The following NTM variants were observed in gnomAD, a reference collection of about 807,000 sequenced individuals.
NTM encodes the protein neurotrimin, also known as IgLON family member 2.
NTM carries 13 observed loss-of-function variants against 42.1 expected under a neutral mutation model. The observed-to-expected ratio is 0.31, with a 90% CI of 0.20 to 0.49. The LOEUF is 0.49. Among genes scored for constraint, NTM ranks in the 20% least tolerant of loss-of-function variants. NTM has a pLI of 0.99. For missense variants in NTM, 373 were observed against 452.8 expected, an observed-to-expected ratio of 0.82 and a Z score of 1.60; for synonymous variants, 187 against 179.2, an observed-to-expected ratio of 1.04 and a Z score of -0.35.
At chr11:131,711,710 A>G (rs1223183227) in intron 1 of NTM, among the ~76,000 whole-genome samples, 2 of 152,028 alleles carry the variant, frequency 1.3e-5, no homozygotes, top group African/African-American at 2.4e-5. Flanking sequence ...TATTCACAAT[A>G]GCAAAGACTT....
rs115412467 is a variant in NTM at position 131,674,173 on chromosome 11, G to T, written c.83-237391G>T. ...GTGGCCATGAGAAGTAGTGCCACAC[G>T]CACACGTTCTCTTTCCCAGAGAAGC... On this transcript the variant is annotated intron_variant, in intron 1 of 8. Coordinates refer to ENST00000683400, the MANE Select transcript of NTM (RefSeq NM_001352005.2). Among the ~76,000 whole-genome samples, 505 of 152,368 alleles carry T rather than the reference G, an allele frequency of 3.3e-3. 5 individuals carry two copies. Among genetic ancestry groups the T allele is most frequent in the African/African-American group, 0.011 (476 of 41,584 alleles).
chr11:131,530,375 A>G (rs1414840792), intron 1 of NTM, among the ~76,000 whole-genome samples: 2 of 151,916 alleles, frequency 1.3e-5, no homozygotes, highest in African/African-American at 4.8e-5. Flanking sequence ...CAAAAAGAAA[A>G]AAGAATGAAT....
At chr11:131,556,563 A>ATT (rs34911090) in intron 1 of NTM, among the ~76,000 whole-genome samples, 8 of 98,398 alleles carry the variant, frequency 8.1e-5, no homozygotes, top group African/African-American at 1.8e-4. Context: ...ACACATAGGA[A>ATT]TTTTTTTTTT....
chr11:131,396,217 C>T (rs906968873), intron 1 of NTM, among the ~76,000 whole-genome samples: 3 of 152,214 alleles, frequency 2.0e-5, no homozygotes, highest in African/African-American at 7.2e-5. Flanking sequence ...ATTCAACCTC[C>T]TTCCTCACCT....
chr11:131,406,685 A>C (rs1945843748), intron 1 of NTM, among the ~76,000 whole-genome samples: 1 of 152,236 alleles, frequency 6.6e-6, no homozygotes, highest in South Asian at 2.1e-4. Context: ...TAATAAAAGT[A>C]ATATACATGT....
At chr11:131,732,727 G>A (rs1001356671) in intron 1 of NTM, among the ~76,000 whole-genome samples, 2 of 152,152 alleles carry the variant, frequency 1.3e-5, no homozygotes, top group East Asian at 3.9e-4. Context: ...TGTATTCCTA[G>A]AGGGTACTGG....
intron 2 of NTM, among the ~76,000 whole-genome samples, chr11:132,142,251 A>G (rs1302455288): frequency 1.3e-5 from 2 of 152,162 alleles, no homozygotes; most frequent in African/African-American, 4.8e-5. Flanking sequence ...ATGAGCGGCC[A>G]TCTCCAGTTC....
At chr11:131,459,354 A>G (rs1471802153) in intron 1 of NTM, among the ~76,000 whole-genome samples, 1 of 152,264 alleles carries the variant, frequency 6.6e-6, no homozygotes, top group Non-Finnish European at 1.5e-5. Context: ...AGATGTGTTC[A>G]TTGCACATCA....
chr11:131,703,094 C>G (rs1459128938), intron 1 of NTM, among the ~76,000 whole-genome samples: 1 of 152,112 alleles, frequency 6.6e-6, no homozygotes, highest in African/African-American at 2.4e-5. Flanking sequence ...AAAAGCAAAG[C>G]CATTAACATT....
chr11:132,325,042 C>T (rs1467480949), intron 7 of NTM, among the ~76,000 whole-genome samples: 294 of 151,528 alleles, frequency 1.9e-3, no homozygotes, highest in African/African-American at 6.6e-3. Context: ...AAGACTTAAA[C>T]GTTAGACCTA....
intron 1 of NTM, among the ~76,000 whole-genome samples, chr11:131,640,947 C>T (rs970692874): frequency 6.6e-6 from 1 of 152,170 alleles, no homozygotes; most frequent in African/African-American, 2.4e-5. Flanking sequence ...ACAGGAATAT[C>T]AGCACTCTAT....
intron 1 of NTM, among the ~76,000 whole-genome samples, chr11:131,761,407 T>C (rs1225531769): frequency 6.6e-6 from 1 of 152,146 alleles, no homozygotes; most frequent in Non-Finnish European, 1.5e-5. Flanking sequence ...GGCCTAACTT[T>C]TAGCATCTGA....
intron 1 of NTM, among the ~76,000 whole-genome samples, chr11:131,424,732 T>TC (rs1947932476): frequency 6.9e-6 from 1 of 144,422 alleles, no homozygotes; most frequent in African/African-American, 2.6e-5. Context: ...GCTAATTTTT[T>TC]TTTTTTTTTT....
In NTM at chr11:131,500,571, ATATATATTTTT is replaced by A. The variant is rs1336449832; in HGVS notation, c.82+129685_82+129695del. On this transcript the variant is annotated intron_variant, in intron 1 of 8. Coordinates refer to ENST00000683400, the MANE Select transcript of NTM (RefSeq NM_001352005.2). ...TATATATATATATATATATATATATATATATATTTTTTTTTTTTTTTTTTGTATTATACTTT... is the reference window on the plus strand; with the variant it reads ...TATATATATATATATATATATATATATTTTTTTTTTTTTGTATTATACTTT... 8.9e-3 allele frequency among the ~76,000 whole-genome samples: 763 copies of A among 85,310 alleles called. 17 individuals are homozygous for A. The highest frequency in any genetic ancestry group is 0.027 in the African/African-American group (674 of 24,594). 56.0% of individuals were successfully genotyped at this position (85,310 alleles called of 152,430 possible).
At chr11:132,063,442 T>G (rs940669466) in intron 2 of NTM, among the ~76,000 whole-genome samples, 4 of 152,108 alleles carry the variant, frequency 2.6e-5, no homozygotes, top group African/African-American at 9.7e-5. Flanking sequence ...CTGGTGTGAC[T>G]TCTCCGTCTA....
intron 1 of NTM, among the ~76,000 whole-genome samples, chr11:131,818,903 A>G (rs1379579366): frequency 1.3e-5 from 2 of 152,208 alleles, no homozygotes; most frequent in Non-Finnish European, 1.5e-5. Flanking sequence ...AGTACCATTT[A>G]TGCTGGTTGT....
At chr11:131,649,782 G>A (rs1448283114) in intron 1 of NTM, among the ~76,000 whole-genome samples, 1 of 152,122 alleles carries the variant, frequency 6.6e-6, no homozygotes, top group East Asian at 1.9e-4. Flanking sequence ...CAATAATTTT[G>A]TGCTTTTTTT....
chr11:131,968,511 G>A (rs1267323092), intron 2 of NTM, among the ~76,000 whole-genome samples: 10 of 152,138 alleles, frequency 6.6e-5, no homozygotes, highest in Non-Finnish European at 1.5e-4. Context: ...AGGCTCAGGG[G>A]CTCACATCTG....
At chr11:131,960,958 G>A (rs539749901) in intron 2 of NTM, among the ~76,000 whole-genome samples, 4 of 152,250 alleles carry the variant, frequency 2.6e-5, no homozygotes, top group South Asian at 2.1e-4. Context: ...TTTGAGCACC[G>A]TGAGGGGATT....
Sources: allele counts gnomAD v4.1 joint callset (sites outside exome capture counted in the v4.1 genomes callset), GRCh38; gene constraint gnomAD v4.1.1; transcripts MANE v1.5; gene names NCBI Gene and HGNC (gene_info 2026-07-23, HGNC 2026-07-21).